Variants in ZNF804B observed in about 807,000 individuals in gnomAD.
The protein encoded by ZNF804B is zinc finger protein 804B, also known as zinc finger 804B.
In ZNF804B, 80 loss-of-function variants were observed where a neutral mutation model predicts 101.4. The ratio of observed to expected loss-of-function variants is 0.79; its 90% CI spans 0.66 to 0.95. ZNF804B has a LOEUF of 0.95. Among genes scored for constraint, ZNF804B ranks in the 40% least tolerant of loss-of-function variants. ZNF804B has a pLI of 0.00. For missense variants in ZNF804B, 1,673 were observed against 1,561.9 expected (o/e 1.07, Z -1.20); for synonymous variants, 622 against 558.8 (o/e 1.11, Z -1.59).
chr7:89,093,011 A>G (rs1231415768), intron 1 of ZNF804B, among the ~76,000 whole-genome samples: 3 of 152,182 alleles, frequency 2.0e-5, no homozygotes. Context: ...ATATTCATAA[A>G]TCTGTATATA....
intron 1 of ZNF804B, among the ~76,000 whole-genome samples, chr7:88,955,673 C>T (rs894775117): frequency 6.6e-6 from 1 of 151,254 alleles, no homozygotes; most frequent in African/African-American, 2.4e-5. Context: ...GGAAACAGTC[C>T]AGGACATTGG....
In ZNF804B at chr7:89,338,116, T is replaced by C. The variant is rs1791131527; in HGVS notation, c.*1084T>C. Among the ~76,000 whole-genome samples, 1 of 152,128 alleles carries C rather than the reference T, an allele frequency of 6.6e-6. No individual in the cohort carries two copies. Among genetic ancestry groups the C allele is most frequent in the African/African-American group, 2.4e-5 (1 of 41,466 alleles). The stretch of plus-strand genomic sequence containing the variant: ...GGTTTTTGGCCGCCAAAATTTGCAT[T>C]TCATACATCTATATTGGTGCATAAT... On this transcript the variant is annotated 3_prime_UTR_variant, in exon 4 of 4. Coordinates refer to ENST00000333190, the MANE Select transcript of ZNF804B (RefSeq NM_181646.5).
At chr7:88,877,258 G>T (rs1266934210) in intron 1 of ZNF804B, among the ~76,000 whole-genome samples, 4 of 150,458 alleles carry the variant, frequency 2.7e-5, no homozygotes, top group African/African-American at 9.8e-5. Flanking sequence ...AATCAAGTCT[G>T]TGTAGATACT....
chr7:89,306,893 A>T (rs565588064), intron 2 of ZNF804B, among the ~76,000 whole-genome samples: 1 of 152,116 alleles, frequency 6.6e-6, no homozygotes, highest in African/African-American at 2.4e-5. Context: ...CATTGTTCAG[A>T]TGTGTAATGA....
At chr7:89,222,618 C>T (rs1172162296) in intron 2 of ZNF804B, among the ~76,000 whole-genome samples, 3 of 151,868 alleles carry the variant, frequency 2.0e-5, no homozygotes, top group South Asian at 2.1e-4. Context: ...TCAAACATGT[C>T]TTATGCTTTC....
intron 2 of ZNF804B, among the ~76,000 whole-genome samples, chr7:89,271,621 T>C (rs1584095524): frequency 4.6e-5 from 7 of 152,166 alleles, no homozygotes; most frequent in Admixed American, 4.6e-4. Context: ...TTCCTATTGA[T>C]TGGAATAGTT....
chr7:89,042,173 A>G (rs1789025732), intron 1 of ZNF804B, among the ~76,000 whole-genome samples: 1 of 152,178 alleles, frequency 6.6e-6, no homozygotes, highest in Non-Finnish European at 1.5e-5. Flanking sequence ...TCTCAGCTTT[A>G]ATATTTACTT....
At chr7:89,014,523 A>T (rs1445474010) in intron 1 of ZNF804B, among the ~76,000 whole-genome samples, 2 of 152,080 alleles carry the variant, frequency 1.3e-5, no homozygotes, top group African/African-American at 4.8e-5. Context: ...TCACCGTGTT[A>T]GCCAGAATGG....
chr7:88,943,902 T>C (rs1793090920), intron 1 of ZNF804B, among the ~76,000 whole-genome samples: 1 of 151,872 alleles, frequency 6.6e-6, no homozygotes, highest in Admixed American at 6.6e-5. Flanking sequence ...ACTTAGCATA[T>C]GCTTTTCATA....
chr7:89,188,353 C>A (rs1788405567), intron 1 of ZNF804B, among the ~76,000 whole-genome samples: 1 of 152,076 alleles, frequency 6.6e-6, no homozygotes, highest in African/African-American at 2.4e-5. Flanking sequence ...GACTGCTTCA[C>A]TGAGCAGCAG....
chr7:88,954,341 A>G (rs1241623169), intron 1 of ZNF804B, among the ~76,000 whole-genome samples: 1 of 151,704 alleles, frequency 6.6e-6, no homozygotes, highest in Non-Finnish European at 1.5e-5. Flanking sequence ...ACTTCTGTTT[A>G]CTGTTACTCT....
At chr7:89,248,404 A>T (rs113605150) in intron 2 of ZNF804B, among the ~76,000 whole-genome samples, 177 of 151,274 alleles carry the variant, frequency 1.2e-3, no homozygotes, top group African/African-American at 4.3e-3. Context: ...GCTAACAGTG[A>T]GAGTTCTCAG....
chr7:89,089,952 G>GA (rs1475230973), intron 1 of ZNF804B, among the ~76,000 whole-genome samples: 1 of 151,826 alleles, frequency 6.6e-6, no homozygotes, highest in Non-Finnish European at 1.5e-5. Flanking sequence ...TGTTTAAAGA[G>GA]AAAAAAATAG....
chr7:89,255,420 A>AT (rs1789613137), intron 2 of ZNF804B, among the ~76,000 whole-genome samples: 1 of 152,176 alleles, frequency 6.6e-6, no homozygotes, highest in Non-Finnish European at 1.5e-5. Flanking sequence ...ATAGACAAGT[A>AT]AAAAAATGGG....
At chr7:89,036,717 T>C (rs1788934124) in intron 1 of ZNF804B, among the ~76,000 whole-genome samples, 1 of 152,114 alleles carries the variant, frequency 6.6e-6, no homozygotes, top group Non-Finnish European at 1.5e-5. Context: ...TAATCTAATT[T>C]AATACAGTGG....
chr7:89,200,551 CA>C, intron 1 of ZNF804B, among the ~76,000 whole-genome samples: 1 of 152,066 alleles, frequency 6.6e-6, no homozygotes, highest in South Asian at 2.1e-4. Flanking sequence ...AAGATTGATA[CA>C]ACAAAATATT....
chr7:89,281,687 C>G (rs529996226), intron 2 of ZNF804B, among the ~76,000 whole-genome samples: 2 of 152,204 alleles, frequency 1.3e-5, no homozygotes, highest in Non-Finnish European at 2.9e-5. Context: ...TCTCTGTAGA[C>G]TTTATAAACA....
intron 1 of ZNF804B, among the ~76,000 whole-genome samples, chr7:88,924,840 C>T (rs1208395119): frequency 6.6e-6 from 1 of 151,766 alleles, no homozygotes; most frequent in Non-Finnish European, 1.5e-5. Flanking sequence ...ACTTTGTGCC[C>T]CCGCACACCC....
intron 2 of ZNF804B, among the ~76,000 whole-genome samples, chr7:89,221,075 G>A (rs762976096): frequency 6.6e-6 from 1 of 151,876 alleles, no homozygotes; most frequent in Non-Finnish European, 1.5e-5. Context: ...ATAATCTTAA[G>A]TTTGATGAGT....
Sources: gnomAD v4.1 joint callset for allele counts (sites outside exome capture counted in the v4.1 genomes callset) on GRCh38, gnomAD v4.1.1 for gene constraint, MANE v1.5 for transcripts, NCBI Gene and HGNC (gene_info 2026-07-23, HGNC 2026-07-21) for gene names.